The following MAP4K1 variants were observed in gnomAD, a reference collection of about 807,000 sequenced individuals.
MAP4K1 encodes mitogen-activated protein kinase kinase kinase kinase 1.
MAP4K1 carries 35 observed loss-of-function variants against 122.8 expected under a neutral mutation model. The ratio of observed to expected loss-of-function variants is 0.29; its 90% CI spans 0.22 to 0.38. MAP4K1 has a LOEUF of 0.38. Ranked by LOEUF, MAP4K1 falls within the 10% of genes least tolerant of loss-of-function variation. MAP4K1 has a pLI of 1.00. For missense variants in MAP4K1, 791 were observed against 1,072.6 expected, an observed-to-expected ratio of 0.74 and a Z score of 3.67; for synonymous variants, 412 against 421.3, an observed-to-expected ratio of 0.98 and a Z score of 0.27.
At chr19:38,602,811 T>TATATACAC (rs1482321887) in intron 19 of MAP4K1, among the ~76,000 whole-genome samples, 1 of 145,182 alleles carries the variant, frequency 6.9e-6, no homozygotes, top group African/African-American at 2.6e-5. Flanking sequence ...CATATATACA[T>TATATACAC]ATATACACAT....
In MAP4K1 at chr19:38,605,646, C is replaced by T. The variant is rs765616669; in HGVS notation, c.1285G>A (p.Ala429Thr). 2.5e-6 allele frequency: 4 copies of T among 1,601,824 alleles called. No homozygotes were observed. In the Admixed American group the frequency reaches 7.1e-5, roughly 28 times the overall value. Residue 429 changes from alanine (A) to threonine (T), a missense_variant, in exon 18 of 31, where the codon GCC (alanine) becomes ACC (threonine). Ala to Thr is a moderately conservative substitution (Grantham distance 58). Around this residue, in one of 4 missense-constraint regions of MAP4K1, gnomAD observed 303 missense variants for 344.8 expected, o/e 0.88. Coordinates refer to ENST00000396857, the MANE Select transcript of MAP4K1 (RefSeq NM_001042600.3). The stretch of plus-strand genomic sequence containing the variant: ...GGGCTGTTTGGTGGGGGCCCACTGG[C>T]ACACCGGACCAGCACCCCCGGGCTC... ...QLSPGVLVRC[A>T]SGPPPNSPRP...
At position 38,587,743 on chromosome 19, in the gene MAP4K1, G is replaced by T; in HGVS notation, c.*5C>A. On this transcript the variant is annotated 3_prime_UTR_variant, in exon 31 of 31. Coordinates refer to ENST00000396857, the MANE Select transcript of MAP4K1 (RefSeq NM_001042600.3). ...AGGACTAGTTCCTGACACCCCCCTA[G>T]GGACTCATTCCTGGATGTAGAGGTT... The T allele has an allele frequency of 3.1e-6, 5 of 1,612,932 alleles. No homozygotes were observed. Among genetic ancestry groups the T allele is most frequent in the Non-Finnish European group, 4.2e-6 (5 of 1,178,996 alleles).
Position 38,605,609 on chromosome 19 carries a change from G to A in MAP4K1, c.1322C>T (p.Pro441Leu), listed in dbSNP as rs1261123808. Residue 441 changes from proline to leucine, a missense_variant, in exon 18 of 31, where the codon CCT becomes CTT. Transcript: ENST00000396857. ...GTGGGGGCTGCTGGTGGATGGGGGAGGCCCAGGACGGGGGCTGTTTGGTGG... is the reference window on the plus strand; with the variant it reads ...GTGGGGGCTGCTGGTGGATGGGGGAAGCCCAGGACGGGGGCTGTTTGGTGG... ...GPPPNSPRPGPPPSTSSPHLT... is the reference protein window; with the variant it reads ...GPPPNSPRPGLPPSTSSPHLT... 5 of 1,564,108 alleles carry A rather than the reference G, an allele frequency of 3.2e-6. No individual in the cohort carries two copies. The highest frequency in any genetic ancestry group is 4.3e-6 in the Non-Finnish European group (5 of 1,156,414).
In MAP4K1 at chr19:38,597,050, T is replaced by G; in HGVS notation, c.1925A>C (p.Lys642Thr). ...VLLQWYQPMN[K>T]FLLVRQVLFP... Reference sequence around the variant, plus strand: ...GCCCCTTACCCGGACAAGCAGGAATTTGTTCATGGGCTGGTACCACTGAAG... The same window carrying G: ...GCCCCTTACCCGGACAAGCAGGAATGTGTTCATGGGCTGGTACCACTGAAG... Residue 642 changes from lysine (K) to threonine (T), a missense_variant, in exon 25 of 31, where the codon AAA becomes ACA. Coordinates refer to ENST00000396857, the MANE Select transcript of MAP4K1 (RefSeq NM_001042600.3). This position sits in a 1 kb window ranked among gnomAD's most constrained non-coding sequence, Gnocchi z 4.6. 1 of 1,614,062 alleles carries G rather than the reference T, an allele frequency of 6.2e-7. No homozygotes were observed. The highest frequency in any genetic ancestry group is 8.5e-7 in the Non-Finnish European group (1 of 1,179,978).
chr19:38,609,569 C>T (rs768648376), intron 13 of MAP4K1, 27 bp downstream of exon 13: 3 of 1,605,110 alleles, frequency 1.9e-6, no homozygotes, highest in South Asian at 1.1e-5. Flanking sequence ...GGTCAGGTGT[C>T]CCCAAACATA....
intron 30 of MAP4K1, among the ~76,000 whole-genome samples, chr19:38,591,552 G>A (rs1427292347): frequency 2.0e-5 from 3 of 151,472 alleles, no homozygotes; most frequent in Non-Finnish European, 4.4e-5. Context: ...AAAAGATCTG[G>A]TTAATCTGGA....
At position 38,608,285 on chromosome 19, in the gene MAP4K1, A is replaced by T. The variant is rs1599713556; in HGVS notation, c.1007-115T>A. On this transcript the variant is annotated intron_variant, in intron 13 of 30. Transcript: ENST00000396857. ...GGGGGTTGCAGTCAGGATCTTGGGG[A>T]CTGCAAATGATCTCAGGGAACTGTC... The T allele has an allele frequency of 5.7e-6, 3 of 522,206 alleles. No homozygotes were observed. The East Asian group carries it at 9.3e-5, about 16-fold the overall frequency. 32.3% of individuals were successfully genotyped at this position (522,206 alleles called of 1,614,324 possible).
In MAP4K1 at chr19:38,609,603, G is replaced by A. The variant is rs200072358; in HGVS notation, c.999C>T (p.Asp333=). 125 of 1,613,728 alleles carry A rather than the reference G, an allele frequency of 7.7e-5. No homozygotes were observed. Among genetic ancestry groups the A allele is most frequent in the Middle Eastern group, 1.6e-4 (1 of 6,062 alleles). Residue 333 remains aspartate, a synonymous_variant, in exon 13 of 31, where the codon GAC becomes GAT. Coordinates refer to ENST00000396857, the MANE Select transcript of MAP4K1 (RefSeq NM_001042600.3). Reference sequence around the variant, plus strand: ...TAAGGATTCTCTACTCACGACAGCAGTCTGCATCTGGGATCCCCAGAGAGC... The same window carrying A: ...TAAGGATTCTCTACTCACGACAGCAATCTGCATCTGGGATCCCCAGAGAGC... ...RSSSLGIPDA[D]CCRRHMEFRK... is the part of the protein sequence containing the mutation.
At chr19:38,590,540 G>A (rs1348325953) in intron 30 of MAP4K1, among the ~76,000 whole-genome samples, 2 of 150,022 alleles carry the variant, frequency 1.3e-5, no homozygotes, top group South Asian at 2.1e-4. Flanking sequence ...GTGCAGTGGC[G>A]TAATCTCGGC....
At chr19:38,590,243 T>C (rs8113061) in intron 30 of MAP4K1, among the ~76,000 whole-genome samples, 135,978 of 135,978 alleles carry the variant, frequency 1, 67,989 homozygotes, top group Non-Finnish European at 1. Context: ...AAGGGACATT[T>C]TAGAAAACAA....
chr19:38,600,132 GC>G lies in MAP4K1; in HGVS notation c.1552del (p.Ala518GlnfsTer8). On this transcript the variant is annotated frameshift_variant, in exon 21 of 31. Coordinates refer to ENST00000396857, the MANE Select transcript of MAP4K1 (RefSeq NM_001042600.3). LOFTEE classifies it high-confidence loss of function. The stretch of plus-strand genomic sequence containing the variant: ...GTTCAGGATGAAGATGCCTTCCTCT[GC>G]CCCCAGGAGCAGGTGCTGGTCTGGA... ...STKDQHLLLGAEEGIFILNRN... is the reference protein window; with the variant it reads ...STKDQHLLLGXEEGIFILNRN... The G allele has an allele frequency of 1.2e-6, 2 of 1,614,102 alleles. No homozygotes were observed. Among genetic ancestry groups the G allele is most frequent in the Non-Finnish European group, 1.7e-6 (2 of 1,180,000 alleles).
At chr19:38,598,023 CATTT>C (rs1974941127) in intron 22 of MAP4K1, among the ~76,000 whole-genome samples, 1 of 151,894 alleles carries the variant, frequency 6.6e-6, no homozygotes, top group African/African-American at 2.4e-5. Flanking sequence ...GAAATTATTT[CATTT>C]ATTTATTATT....
chr19:38,602,947 TATATAC>T (rs1975158429), intron 19 of MAP4K1, among the ~76,000 whole-genome samples: 1 of 141,926 alleles, frequency 7.0e-6, no homozygotes, highest in Admixed American at 7.5e-5. Flanking sequence ...TACACATACA[TATATAC>T]ACACATATAC....
At chr19:38,603,363 C>T (rs186489183) in intron 19 of MAP4K1, among the ~76,000 whole-genome samples, 180 of 145,438 alleles carry the variant, frequency 1.2e-3, no homozygotes, top group African/African-American at 4.4e-3. Flanking sequence ...TACATATATA[C>T]ACACATATAC....
At chr19:38,588,339 A>G (rs1974590812) in intron 30 of MAP4K1, among the ~76,000 whole-genome samples, 1 of 152,150 alleles carries the variant, frequency 6.6e-6, no homozygotes, top group Non-Finnish European at 1.5e-5. Flanking sequence ...AAAAGGACAC[A>G]GGGGCTACTT....
Position 38,608,799 on chromosome 19 carries a change from C to CAAAAAAAAAAAA in MAP4K1, c.1007-641_1007-630dup, listed in dbSNP as rs1031744033. On this transcript the variant is annotated intron_variant, in intron 13 of 30. Coordinates refer to ENST00000396857, the MANE Select transcript of MAP4K1 (RefSeq NM_001042600.3). ...TGGGCGACAGAGTGAAACTCCGTCT[C>CAAAAAAAAAAAA]AAAAAAAAAAAAAAAAAAAAAAAAA... is the stretch of plus-strand genomic sequence containing the variant. Among the ~76,000 whole-genome samples, 13 of 9,558 alleles carry CAAAAAAAAAAAA rather than the reference C, an allele frequency of 1.4e-3. 3 individuals are homozygous for CAAAAAAAAAAAA. The highest frequency in any genetic ancestry group is 2.0e-3 in the Non-Finnish European group (9 of 4,546). The allele number at this position is 9,558 out of a possible 152,430, so 6.3% of individuals were successfully genotyped here. A position where few individuals can be genotyped will look rare whatever the true frequency, so the allele number is the denominator to read the frequency against.
intron 8 of MAP4K1, 72 bp downstream of exon 8, chr19:38,613,808 T>C (rs1975568773): frequency 8.3e-7 from 1 of 1,205,760 alleles, no homozygotes; most frequent in South Asian, 1.3e-5. Flanking sequence ...GGAAAGAGGA[T>C]CCCGGGGAAC....
chr19:38,604,766 G>A (rs559814547), intron 19 of MAP4K1, among the ~76,000 whole-genome samples: 19 of 149,270 alleles, frequency 1.3e-4, no homozygotes, highest in African/African-American at 4.7e-4. Flanking sequence ...CTCCAGCCTG[G>A]GTGACACAGT....
At chr19:38,603,821 TA>T (rs1463999573) in intron 19 of MAP4K1, among the ~76,000 whole-genome samples, 1 of 151,896 alleles carries the variant, frequency 6.6e-6, no homozygotes, top group African/African-American at 2.4e-5. Context: ...CCGTCTCTAC[TA>T]AAAATACAAA....
Sources: gnomAD v4.1 joint callset for allele counts (sites outside exome capture counted in the v4.1 genomes callset) on GRCh38, gnomAD v4.1.1 for gene constraint, gnomAD v4.1.1 regional missense constraint, Gnocchi (gnomAD v3.1) non-coding constraint, MANE v1.5 for transcripts, NCBI Gene and HGNC (gene_info 2026-07-23, HGNC 2026-07-21) for gene names.